The following TOP1MT variants were observed in gnomAD, a reference collection of about 807,000 sequenced individuals.
The protein encoded by TOP1MT is DNA topoisomerase I mitochondrial, also known as DNA topoisomerase I, mitochondrial.
TOP1MT carries 80 observed loss-of-function variants against 73.9 expected under a neutral mutation model. That is an observed-to-expected ratio of 1.08 (90% CI 0.90 to 1.30). TOP1MT has a LOEUF of 1.30. Among genes scored for constraint, TOP1MT ranks in the 50% most tolerant of loss-of-function variants. The pLI, the probability that TOP1MT is intolerant of heterozygous loss-of-function variation, is 0.00. For missense variants in TOP1MT, 815 were observed against 808.0 expected (o/e 1.01, Z -0.10); for synonymous variants, 338 against 326.4 (o/e 1.04, Z -0.38).
chr8:143,309,703 A>C (rs10105378), intron 13 of TOP1MT, 160 bp from the exon 14 acceptor site: 1 of 1,515,680 alleles, frequency 6.6e-7, no homozygotes, highest in South Asian at 1.2e-5. Flanking sequence ...CACCCCACGC[A>C]TGCCGCCACC....
chr8:143,344,371 A>G lies in TOP1MT; in HGVS notation c.-39+545T>C, dbSNP rs1287190573. On this transcript the variant is annotated intron_variant, in intron 1 of 5. Transcript: ENST00000518007. The surrounding 1 kb of genome is among the most constrained non-coding windows in gnomAD (Gnocchi z 4.6). The stretch of plus-strand genomic sequence containing the variant: ...CTTGAGGAAGAAGGAGTGGCGGGAC[A>G]CCAGAGGGACAGGCTAGGAAGCACT... 6.6e-6 allele frequency: 1 copy of G among 152,250 alleles called. No individual in the cohort carries two copies. The highest frequency in any genetic ancestry group is 2.4e-5 in the African/African-American group (1 of 41,360). 9.4% of individuals were successfully genotyped at this position (152,250 alleles called of 1,614,324 possible).
upstream of TOP1MT, among the ~76,000 whole-genome samples, chr8:143,345,697 A>G (rs963075435): frequency 6.6e-6 from 1 of 152,270 alleles, no homozygotes; most frequent in Non-Finnish European, 1.5e-5. Flanking sequence ...ATAGTACCAG[A>G]ACACAGAGAA....
chr8:143,320,000 T>C (rs1460768001), intron 8 of TOP1MT, among the ~76,000 whole-genome samples: 1 of 151,768 alleles, frequency 6.6e-6, no homozygotes, highest in Non-Finnish European at 1.5e-5. Flanking sequence ...GGCAGGCACC[T>C]GTAATCCCAG....
intron 7 of TOP1MT, 85 bp from the exon 8 acceptor site, chr8:143,321,471 C>T (rs201007897): frequency 0.016 from 13,381 of 851,006 alleles, 1,094 homozygotes; most frequent in Admixed American, 0.02. Context: ...ACGCCACACA[C>T]GCACGCCACA....
chr8:143,329,006 A>G (rs1358988590), intron 3 of TOP1MT, among the ~76,000 whole-genome samples: 1 of 151,860 alleles, frequency 6.6e-6, no homozygotes, highest in African/African-American at 2.4e-5. Context: ...GGCCTCCTCT[A>G]CTCTCCTTCT....
chr8:143,312,575 A>T (rs1388914188), intron 12 of TOP1MT, among the ~76,000 whole-genome samples: 2 of 152,240 alleles, frequency 1.3e-5, no homozygotes, highest in East Asian at 3.8e-4. Context: ...TTAACTTAAC[A>T]AACAGCTTCT....
upstream of TOP1MT, among the ~76,000 whole-genome samples, chr8:143,337,136 G>C (rs1464669152): frequency 1.3e-5 from 2 of 152,156 alleles, no homozygotes; most frequent in Non-Finnish European, 2.9e-5. Context: ...ATATGGTTAA[G>C]ACAGCATTGG....
At chr8:143,333,318 G>A (rs1288177479) in intron 1 of TOP1MT, among the ~76,000 whole-genome samples, 2 of 152,106 alleles carry the variant, frequency 1.3e-5, no homozygotes, top group East Asian at 3.9e-4. Flanking sequence ...CGTGGTGGCG[G>A]GTGCCTGTAA....
At chr8:143,314,487 G>A (rs1488717241) in intron 12 of TOP1MT, among the ~76,000 whole-genome samples, 4 of 151,830 alleles carry the variant, frequency 2.6e-5, no homozygotes, top group East Asian at 1.9e-4. Context: ...CCAGCTACTC[G>A]GGAGGCTGAG....
chr8:143,347,181 G>C (rs1817238208), upstream of TOP1MT, among the ~76,000 whole-genome samples: 1 of 151,632 alleles, frequency 6.6e-6, no homozygotes, highest in Admixed American at 6.6e-5. Context: ...TTGAGATGGA[G>C]TCTCACTCTG....
chr8:143,357,994 G>A (rs541685509), upstream of TOP1MT, among the ~76,000 whole-genome samples: 7 of 151,940 alleles, frequency 4.6e-5, no homozygotes, highest in South Asian at 1.2e-3. Flanking sequence ...AGGCTGAGGC[G>A]GAGGATCACT....
chr8:143,341,837 TTCTTCCTCCTCCTCCTCCTTCC>T lies in TOP1MT; in HGVS notation c.29+1361_29+1382del, dbSNP rs1034353728. Among the ~76,000 whole-genome samples the T allele has an allele frequency of 6.5e-4, 96 of 147,240 alleles. 1 individual carries two copies. The highest frequency in any genetic ancestry group is 2.5e-3 in the African/African-American group (91 of 36,814). Reference sequence around the variant, plus strand: ...GCTTCCTTCTTCCTTCTTCTTCCTCTTCTTCCTCCTCCTCCTCCTTCCTCTTTCTCCTCCCCCTTCTTCTTCT... The same window carrying T: ...GCTTCCTTCTTCCTTCTTCTTCCTCTTCTTTCTCCTCCCCCTTCTTCTTCT... On this transcript the variant is annotated intron_variant, in intron 2 of 5. Coordinates refer to the TOP1MT transcript ENST00000518007. This position sits in a 1 kb window ranked among gnomAD's most constrained non-coding sequence, Gnocchi z 4.1.
At chr8:143,328,057 C>T (rs1048595329) in intron 3 of TOP1MT, 1 of 348,170 alleles carries the variant, frequency 2.9e-6, no homozygotes, top group Non-Finnish European at 5.6e-6. Flanking sequence ...AACGTGGGAC[C>T]TCATCAGTAT....
At chr8:143,357,181 C>T (rs1817424543), upstream of TOP1MT, among the ~76,000 whole-genome samples, 1 of 150,388 alleles carries the variant, frequency 6.6e-6, no homozygotes, top group South Asian at 2.1e-4. Flanking sequence ...GCAGGAGGAT[C>T]TCTTGAGCCT....
intron 2 of TOP1MT, among the ~76,000 whole-genome samples, chr8:143,342,328 C>CTGGAG (rs1817115590): frequency 8.0e-6 from 1 of 124,474 alleles, no homozygotes; most frequent in Non-Finnish European, 1.5e-5. Flanking sequence ...CAGAGTCTCG[C>CTGGAG]TGTTATTATT....
upstream of TOP1MT, among the ~76,000 whole-genome samples, chr8:143,347,151 A>ATT (rs989643637): frequency 2.0e-5 from 3 of 151,354 alleles, no homozygotes; most frequent in Non-Finnish European, 4.4e-5. Context: ...CACCCGGCTA[A>ATT]TTTTTGTTTT....
rs2130429952 is a variant in TOP1MT at position 143,344,615 on chromosome 8, C to T, written c.-39+301G>A. 6.5e-6 allele frequency: 1 copy of T among 152,736 alleles called. No homozygotes were observed. The highest frequency in any genetic ancestry group is 3.3e-3 in the Middle Eastern group (1 of 300). 9.5% of individuals were successfully genotyped at this position (152,736 alleles called of 1,614,324 possible). ...CCCGCCCGCCGCGCAGCACCATTCC[C>T]CAGCTACAGGGACAGCTGATGGTCA... On this transcript the variant is annotated intron_variant, in intron 1 of 5. Transcript: ENST00000518007. The surrounding 1 kb of genome is among the most constrained non-coding windows in gnomAD (Gnocchi z 4.6).
At chr8:143,335,319 T>C (rs1164394673), upstream of TOP1MT, among the ~76,000 whole-genome samples, 1 of 152,116 alleles carries the variant, frequency 6.6e-6, no homozygotes, top group Admixed American at 6.5e-5. Flanking sequence ...CCCTACCTCA[T>C]CCCCTACAAA....
At chr8:143,326,696 C>T (rs541093830) in intron 3 of TOP1MT, among the ~76,000 whole-genome samples, 21 of 152,334 alleles carry the variant, frequency 1.4e-4, no homozygotes, top group African/African-American at 3.6e-4. Context: ...TATGAAAACC[C>T]GGATGACGAC....
Sources: gnomAD v4.1 joint callset for allele counts (sites outside exome capture counted in the v4.1 genomes callset) on GRCh38, gnomAD v4.1.1 for gene constraint, Gnocchi (gnomAD v3.1) non-coding constraint, MANE v1.5 for transcripts, NCBI Gene and HGNC (gene_info 2026-07-23, HGNC 2026-07-21) for gene names.